SEPTIN14: variants seen among roughly 807,000 people sequenced by gnomAD.
SEPTIN14 encodes the protein septin-14.
A neutral mutation model predicts 53.6 loss-of-function variants in SEPTIN14; 40 were observed. That is an observed-to-expected ratio of 0.75 (90% CI 0.58 to 0.97). SEPTIN14 has a LOEUF of 0.97. Ranked by LOEUF, SEPTIN14 falls within the 50% of genes least tolerant of loss-of-function variation. The pLI, the probability that SEPTIN14 is intolerant of heterozygous loss-of-function variation, is 0.00. For synonymous variants in SEPTIN14, 138 were observed against 166.8 expected, an observed-to-expected ratio of 0.83 and a Z score of 1.33; for missense variants, 471 against 508.2, an observed-to-expected ratio of 0.93 and a Z score of 0.70.
chr7:55,829,072 A>C (rs1447004327), intron 6 of SEPTIN14, among the ~76,000 whole-genome samples: 1 of 151,744 alleles, frequency 6.6e-6, no homozygotes, highest in Admixed American at 6.6e-5. Flanking sequence ...TTTTTTGAAA[A>C]GATAAGAAAA....
At chr7:55,838,100 T>A (rs1789241850) in intron 5 of SEPTIN14, among the ~76,000 whole-genome samples, 1 of 152,118 alleles carries the variant, frequency 6.6e-6, no homozygotes, top group Admixed American at 6.6e-5. Context: ...TACAAAAAAC[T>A]GCTGAATAAT....
chr7:55,825,049 G>A (rs1182682680), intron 6 of SEPTIN14, among the ~76,000 whole-genome samples: 1 of 152,072 alleles, frequency 6.6e-6, no homozygotes, highest in Non-Finnish European at 1.5e-5. Flanking sequence ...GCACACAAAT[G>A]TTTATAGCAA....
At position 55,829,021 on chromosome 7, in the gene SEPTIN14, AC is replaced by A. The variant is rs1469142763; in HGVS notation, c.720+5403del. ...AACTCTTGATTATTTATTTAAATTT[AC>A]TTTTTTTTTTGTCTGTGTTAGTTCA... On this transcript the variant is annotated intron_variant, in intron 6 of 9. Coordinates refer to ENST00000388975, the MANE Select transcript of SEPTIN14 (RefSeq NM_207366.3). 2.6e-5 allele frequency among the ~76,000 whole-genome samples: 4 copies of A among 151,504 alleles called. No individual in the cohort carries two copies. In the South Asian group the frequency reaches 6.3e-4, roughly 24 times the overall value.
chr7:55,844,611 T>C lies in SEPTIN14; in HGVS notation c.283A>G (p.Thr95Ala). The C allele has an allele frequency of 1.2e-6, 2 of 1,610,394 alleles. No individual in the cohort carries two copies. The highest frequency in any genetic ancestry group is 1.7e-6 in the Non-Finnish European group (2 of 1,177,018). The change falls in exon 4 of 10, where the codon ACA (threonine) becomes GCA (alanine). Residue 95 changes from threonine to alanine, a missense_variant. Physicochemically the swap from Thr to Ala is moderately conservative, Grantham distance 58. Coordinates refer to ENST00000388975, the MANE Select transcript of SEPTIN14 (RefSeq NM_207366.3). ...ACATTGCTTTCCTGAAGTTCATATG[T>C]CTGAATTTGAAGTCCAACATTTGAG... ...FYSNVGLQIQ[T>A]YELQESNVQL... is the part of the protein sequence containing the mutation.
At chr7:55,809,934 G>A (rs531116572) in intron 7 of SEPTIN14, among the ~76,000 whole-genome samples, 2 of 149,038 alleles carry the variant, frequency 1.3e-5, no homozygotes, top group African/African-American at 4.9e-5. Flanking sequence ...CTGGGTTCAC[G>A]CCATTCTCCT....
chr7:55,822,305 A>G (rs930543429), intron 6 of SEPTIN14, among the ~76,000 whole-genome samples: 8 of 152,238 alleles, frequency 5.3e-5, no homozygotes, highest in Admixed American at 5.2e-4. Flanking sequence ...GAAAGACTCA[A>G]TATTGTCAAG....
chr7:55,803,681 G>C (rs1788560468), intron 9 of SEPTIN14, among the ~76,000 whole-genome samples: 2 of 152,112 alleles, frequency 1.3e-5, no homozygotes, highest in African/African-American at 4.8e-5. Flanking sequence ...ACACATAGTT[G>C]AGATATGGAA....
intron 7 of SEPTIN14, 148 bp downstream of exon 7, chr7:55,818,977 CAG>C: frequency 5.0e-6 from 3 of 602,648 alleles, no homozygotes; most frequent in African/African-American, 3.7e-5. Flanking sequence ...TTAAATAAAA[CAG>C]AGTTTGTGTT....
At chr7:55,847,309 GA>G (rs1315385649) in intron 2 of SEPTIN14, among the ~76,000 whole-genome samples, 3 of 151,872 alleles carry the variant, frequency 2.0e-5, no homozygotes, top group Non-Finnish European at 2.9e-5. Context: ...TAAGAAAAAA[GA>G]AAAAAACTTT....
chr7:55,826,170 T>C (rs1475869250), intron 6 of SEPTIN14, among the ~76,000 whole-genome samples: 1 of 152,116 alleles, frequency 6.6e-6, no homozygotes, highest in African/African-American at 2.4e-5. Flanking sequence ...TCTTTGCTTT[T>C]TGGGGGGTGA....
In SEPTIN14 at chr7:55,846,499, G is replaced by T. The variant is rs1789417484; in HGVS notation, c.175+18C>A. The T allele has an allele frequency of 6.5e-7, 1 of 1,545,166 alleles. No individual in the cohort carries two copies. The highest frequency in any genetic ancestry group is 8.7e-7 in the Non-Finnish European group (1 of 1,144,322). On this transcript the variant is annotated intron_variant, in intron 3 of 9. Transcript: ENST00000388975. ...GGAAAAATGAAGGAATAATTCAAAT[G>T]AGGTGTTTGACACTTACCCACACAG...
chr7:55,848,144 A>G (rs570073429), intron 2 of SEPTIN14, among the ~76,000 whole-genome samples: 2 of 152,280 alleles, frequency 1.3e-5, no homozygotes, highest in African/African-American at 4.8e-5. Context: ...AGCTCAGTAG[A>G]TGTTGTCTAC....
intron 5 of SEPTIN14, among the ~76,000 whole-genome samples, chr7:55,842,361 C>T (rs1789326608): frequency 6.6e-6 from 1 of 152,034 alleles, no homozygotes; most frequent in Non-Finnish European, 1.5e-5. Flanking sequence ...ATCCCAACAA[C>T]TCTGGGAGGG....
intron 6 of SEPTIN14, among the ~76,000 whole-genome samples, chr7:55,830,477 G>A (rs1255045395): frequency 1.3e-5 from 2 of 150,042 alleles, no homozygotes; most frequent in East Asian, 4.0e-4. Flanking sequence ...CCGAGTTGCT[G>A]GGACTGGAGG....
At chr7:55,856,885 C>T (rs950041453) in intron 2 of SEPTIN14, among the ~76,000 whole-genome samples, 5 of 151,742 alleles carry the variant, frequency 3.3e-5, no homozygotes, top group African/African-American at 1.2e-4. Context: ...GCAGCTTGGC[C>T]AACATGGTGA....
intron 7 of SEPTIN14, among the ~76,000 whole-genome samples, chr7:55,809,786 AG>A (rs1178218506): frequency 6.7e-6 from 1 of 148,676 alleles, no homozygotes. Context: ...AAAAAAAAAA[AG>A]AATTCTCTCT....
intron 6 of SEPTIN14, among the ~76,000 whole-genome samples, chr7:55,819,877 A>T (rs1159604328): frequency 2.0e-5 from 3 of 152,244 alleles, no homozygotes; most frequent in African/African-American, 7.2e-5. Context: ...ACATGCAAAT[A>T]ACTTTTAACT....
chr7:55,823,727 T>A (rs1788935895), intron 6 of SEPTIN14, among the ~76,000 whole-genome samples: 2 of 152,182 alleles, frequency 1.3e-5, no homozygotes, highest in Admixed American at 6.5e-5. Flanking sequence ...CACAAAGCCC[T>A]CTTCAGCATA....
At chr7:55,862,309 T>G (rs1789763631) in intron 1 of SEPTIN14, among the ~76,000 whole-genome samples, 1 of 152,054 alleles carries the variant, frequency 6.6e-6, no homozygotes, top group Non-Finnish European at 1.5e-5. Flanking sequence ...TCTTCTTCTT[T>G]AAATGACTCC....
Sources: gnomAD v4.1 joint callset for allele counts (sites outside exome capture counted in the v4.1 genomes callset) on GRCh38, gnomAD v4.1.1 for gene constraint, MANE v1.5 for transcripts, NCBI Gene and HGNC (gene_info 2026-07-23, HGNC 2026-07-21) for gene names.